The following RASGRF1 variants were observed in gnomAD, a reference collection of about 807,000 sequenced individuals.
RASGRF1 encodes the protein Ras protein specific guanine nucleotide releasing factor 1.
In RASGRF1, 40 loss-of-function variants were observed where a neutral mutation model predicts 138.7. That is an observed-to-expected ratio of 0.29 (90% confidence interval 0.22 to 0.38). The LOEUF (loss-of-function observed/expected upper bound fraction) is 0.38, where lower values mean the gene tolerates loss of function less well. RASGRF1 is among the 10% of genes least tolerant of loss of function. The probability of loss-of-function intolerance (pLI) is 1.00; values close to 1 mark genes in which losing one functional copy is unlikely to be tolerated. For synonymous variants in RASGRF1, 614 were observed against 663.2 expected (o/e 0.93, Z 1.14); for missense variants, 1,108 against 1,650.4 (o/e 0.67, Z 5.69).
chr15:78,966,836 T>C lies in RASGRF1; in HGVS notation c.3682-4600A>G, dbSNP rs557221727. On this transcript the variant is annotated intron_variant, in intron 26 of 26. Coordinates refer to ENST00000558480, the MANE Select transcript of RASGRF1 (RefSeq NM_001145648.3). ...GAAACAGGGCTCATCTGAATTAAGA[T>C]GTGACGTGTAAAATACACACTGGAT... Among the ~76,000 whole-genome samples the C allele has an allele frequency of 8.5e-5, 13 of 152,298 alleles. No homozygotes were observed. In the South Asian group the frequency reaches 2.5e-3, roughly 29 times the overall value.
chr15:79,038,564 T>C (rs1484822221), intron 5 of RASGRF1, among the ~76,000 whole-genome samples: 1 of 152,220 alleles, frequency 6.6e-6, no homozygotes, highest in Non-Finnish European at 1.5e-5. Context: ...GCCATTTGTA[T>C]TTCTTTTTAA....
chr15:78,998,322 G>A (rs1029476601), intron 18 of RASGRF1, 114 bp from the exon 19 acceptor site: 2 of 864,504 alleles, frequency 2.3e-6, no homozygotes, highest in Non-Finnish European at 3.8e-6. Context: ...AGGGCAGGCT[G>A]ACCTGCCTCA....
At chr15:79,079,374 G>A (rs1213979852) in intron 1 of RASGRF1, among the ~76,000 whole-genome samples, 1 of 151,576 alleles carries the variant, frequency 6.6e-6, no homozygotes, top group African/African-American at 2.4e-5. Context: ...CCATGTGCAG[G>A]GATATTTACT....
intron 13 of RASGRF1, among the ~76,000 whole-genome samples, chr15:79,011,661 T>C (rs1262026953): frequency 6.6e-6 from 1 of 152,172 alleles, no homozygotes; most frequent in African/African-American, 2.4e-5. Flanking sequence ...TTGGCCCAAG[T>C]GCTTTCCATT....
chr15:79,081,070 C>T (rs2057907949), intron 1 of RASGRF1, among the ~76,000 whole-genome samples: 1 of 152,208 alleles, frequency 6.6e-6, no homozygotes, highest in African/African-American at 2.4e-5. Flanking sequence ...TGAAAAGGTG[C>T]TTTATCTGAG....
At chr15:79,023,736 GT>G (rs2057000325) in intron 10 of RASGRF1, among the ~76,000 whole-genome samples, 2 of 152,186 alleles carry the variant, frequency 1.3e-5, no homozygotes, top group Non-Finnish European at 2.9e-5. Flanking sequence ...CTGAGGCTCT[GT>G]GTGGAGCAGC....
At chr15:79,076,908 G>A (rs545872418) in intron 1 of RASGRF1, among the ~76,000 whole-genome samples, 9 of 152,318 alleles carry the variant, frequency 5.9e-5, no homozygotes, top group Non-Finnish European at 7.3e-5. Flanking sequence ...GACTGAATGC[G>A]TTTGTCACCA....
chr15:79,004,311 G>T (rs2056622506), intron 14 of RASGRF1, 136 bp from the exon 15 acceptor site: 2 of 1,148,354 alleles, frequency 1.7e-6, no homozygotes, highest in South Asian at 3.2e-5. Flanking sequence ...ACCCATACTT[G>T]AGCTGATCCT....
At chr15:79,070,023 A>G (rs928636177) in intron 1 of RASGRF1, among the ~76,000 whole-genome samples, 12 of 152,160 alleles carry the variant, frequency 7.9e-5, no homozygotes, top group Admixed American at 7.8e-4. Flanking sequence ...GGAAGCCCCC[A>G]ACCCAGGATG....
In RASGRF1 at chr15:79,034,622, C is replaced by T. The variant is rs562922450; in HGVS notation, c.958+509G>A. Among the ~76,000 whole-genome samples, 28 of 151,608 alleles carry T rather than the reference C, an allele frequency of 1.8e-4. No individual in the cohort carries two copies. The East Asian group carries it at 2.5e-3, about 14-fold the overall frequency. On this transcript the variant is annotated intron_variant, in intron 6 of 26. Coordinates refer to ENST00000558480, the MANE Select transcript of RASGRF1 (RefSeq NM_001145648.3). ...TCATGGGTACTGGAGTATTACACAG[C>T]GATCAAAAAGCATGCTTTTGGCATG...
rs950056592 is a variant in RASGRF1, at chr15:78,998,736, C to T, written c.2836G>A (p.Val946Met). Residue 946 changes from valine (V) to methionine (M), a missense_variant, in exon 18 of 27, where the codon GTG becomes ATG. This residue lies in a region of RASGRF1 where 686 missense variants were observed against 976.7 expected (regional missense o/e 0.70). Coordinates refer to ENST00000558480, the MANE Select transcript of RASGRF1 (RefSeq NM_001145648.3). ...NRVLNVLRHW[V>M]SKHSQDFETN... The stretch of plus-strand genomic sequence containing the variant: ...CCACCCACCTGAGAGTGCTTGGACA[C>T]CCAGTGGCGGAGCACGTTCAAGACA... 6.2e-7 allele frequency: 1 copy of T among 1,613,888 alleles called. No individual in the cohort carries two copies. The highest frequency in any genetic ancestry group is 1.3e-5 in the African/African-American group (1 of 74,954).
chr15:79,052,298 T>C (rs1384056883), intron 3 of RASGRF1, among the ~76,000 whole-genome samples: 2 of 152,196 alleles, frequency 1.3e-5, no homozygotes, highest in Non-Finnish European at 1.5e-5. Context: ...AGTGCAGTAA[T>C]GGGTGATGGA....
intron 19 of RASGRF1, among the ~76,000 whole-genome samples, chr15:78,996,057 C>A (rs937573180): frequency 6.6e-6 from 1 of 152,222 alleles, no homozygotes; most frequent in Non-Finnish European, 1.5e-5. Context: ...GGCCTTTCTG[C>A]CACCTCAGGC....
chr15:78,983,780 G>T (rs1386757091), intron 23 of RASGRF1, among the ~76,000 whole-genome samples: 2 of 152,212 alleles, frequency 1.3e-5, no homozygotes, highest in Admixed American at 1.3e-4. Flanking sequence ...GCAGCTCTGA[G>T]CTCCTGTGCT....
At chr15:79,063,505 A>G (rs1309613825) in intron 2 of RASGRF1, among the ~76,000 whole-genome samples, 2 of 152,200 alleles carry the variant, frequency 1.3e-5, no homozygotes, top group African/African-American at 4.8e-5. Context: ...TTTATCTTCC[A>G]TATATAAACT....
chr15:79,050,781 G>A lies in RASGRF1; in HGVS notation c.532-1193C>T, dbSNP rs571185922. 1.3e-5 allele frequency among the ~76,000 whole-genome samples: 2 copies of A among 152,304 alleles called. No individual in the cohort carries two copies. Among genetic ancestry groups the A allele is most frequent in the South Asian group, 4.1e-4 (2 of 4,830 alleles). On this transcript the variant is annotated intron_variant, in intron 3 of 26. Coordinates refer to ENST00000558480, the MANE Select transcript of RASGRF1 (RefSeq NM_001145648.3). This position sits in a 1 kb window ranked among gnomAD's most constrained non-coding sequence, Gnocchi z 4.1. ...GCCAGTGGTGTATCCTCCTGCGCAG[G>A]GCTCGTCCAACCACTCCAATTCTGT...
Position 79,012,656 on chromosome 15 carries a change from G to C in RASGRF1, c.1826+2671C>G, listed in dbSNP as rs2056818567. On this transcript the variant is annotated intron_variant, in intron 13 of 26. Coordinates refer to ENST00000558480, the MANE Select transcript of RASGRF1 (RefSeq NM_001145648.3). ...TTTGTTATTTTTTTCTTTCATAGGTGATTTTAATTTTATTTTTGTTTCATC... is the reference window on the plus strand; with the variant it reads ...TTTGTTATTTTTTTCTTTCATAGGTCATTTTAATTTTATTTTTGTTTCATC... 2.2e-6 allele frequency: 3 copies of C among 1,374,702 alleles called. No individual in the cohort carries two copies. The South Asian group carries it at 4.1e-5, about 19-fold the overall frequency. The allele number at this position is 1,374,702 out of a possible 1,614,324, so 85.2% of individuals were successfully genotyped here.
chr15:79,059,372 T>TTC (rs2057562035), intron 2 of RASGRF1, among the ~76,000 whole-genome samples: 2 of 38,460 alleles, frequency 5.2e-5, no homozygotes, highest in Admixed American at 3.2e-4. Flanking sequence ...CCCTTCCCAA[T>TTC]CCTTCCCTTC....
chr15:79,065,698 G>T (rs2057670768), intron 1 of RASGRF1, among the ~76,000 whole-genome samples: 1 of 151,904 alleles, frequency 6.6e-6, no homozygotes. Context: ...TACAAAGAGG[G>T]GCCCTTAGGT....
Sources: allele counts gnomAD v4.1 joint callset (sites outside exome capture counted in the v4.1 genomes callset), GRCh38; gene constraint gnomAD v4.1.1; regional missense constraint gnomAD v4.1.1; non-coding constraint Gnocchi (gnomAD v3.1); transcripts MANE v1.5; gene names NCBI Gene and HGNC (gene_info 2026-07-23, HGNC 2026-07-21).